The following FSTL5 variants were observed in gnomAD, a reference collection of about 807,000 sequenced individuals.
FSTL5 encodes the protein follistatin-related protein 5.
Under a neutral mutation model 89.1 loss-of-function variants are expected in FSTL5, and 62 were observed. The observed-to-expected ratio is 0.70, with a 90% confidence interval of 0.57 to 0.86. FSTL5 has a LOEUF of 0.86. Among genes scored for constraint, FSTL5 ranks in the 40% least tolerant of loss-of-function variants. FSTL5 has a pLI of 0.00. For synonymous variants in FSTL5, 383 were observed against 346.2 expected, an observed-to-expected ratio of 1.11 and a Z score of -1.18; for missense variants, 1,057 against 1,001.6, an observed-to-expected ratio of 1.06 and a Z score of -0.75.
intron 3 of FSTL5, among the ~76,000 whole-genome samples, chr4:161,985,855 G>A (rs1013158913): frequency 6.6e-6 from 1 of 152,072 alleles, no homozygotes; most frequent in African/African-American, 2.4e-5. Context: ...TGAATAGTGT[G>A]TATTTATTCA....
intron 15 of FSTL5, among the ~76,000 whole-genome samples, chr4:161,416,855 A>G (rs1731805679): frequency 6.7e-6 from 1 of 150,158 alleles, no homozygotes; most frequent in African/African-American, 2.4e-5. Context: ...AAAAAAAAAA[A>G]AAAAAAGAAA....
At chr4:162,035,117 C>G (rs1737683625) in intron 2 of FSTL5, 1 of 152,060 alleles carries the variant, frequency 6.6e-6, no homozygotes, top group African/African-American at 2.4e-5. Flanking sequence ...CCTCCCTCTC[C>G]TCTATTAACA....
chr4:161,767,560 TGGA>T (rs1011649304), intron 5 of FSTL5, among the ~76,000 whole-genome samples: 14 of 152,130 alleles, frequency 9.2e-5, no homozygotes, highest in Non-Finnish European at 1.8e-4. Context: ...TTCTTACTGT[TGGA>T]GAAGATAGCT....
chr4:161,840,149 C>T (rs142604673), intron 4 of FSTL5, among the ~76,000 whole-genome samples: 53 of 152,114 alleles, frequency 3.5e-4, no homozygotes, highest in African/African-American at 1.2e-3. Flanking sequence ...GAGTGAAGAG[C>T]GTCACCGTGT....
intron 3 of FSTL5, among the ~76,000 whole-genome samples, chr4:162,028,063 A>G (rs1010123090): frequency 1.4e-4 from 22 of 152,304 alleles, no homozygotes; most frequent in Middle Eastern, 3.4e-3. Flanking sequence ...TCTGATGTTT[A>G]TTCAGCATTA....
intron 6 of FSTL5, among the ~76,000 whole-genome samples, chr4:161,733,978 T>G (rs1739703559): frequency 6.6e-6 from 1 of 152,016 alleles, no homozygotes; most frequent in Admixed American, 6.6e-5. Context: ...TATACAGAAT[T>G]TTTTTCTTTC....
intron 8 of FSTL5, among the ~76,000 whole-genome samples, chr4:161,577,852 A>G (rs61271466): frequency 0.48 from 72,609 of 151,934 alleles, 17,611 homozygotes; most frequent in Middle Eastern, 0.6. Flanking sequence ...ATTAACCAGA[A>G]TGGAGAGACT....
chr4:162,132,261 A>G (rs1278032844), intron 1 of FSTL5, among the ~76,000 whole-genome samples: 2 of 152,186 alleles, frequency 1.3e-5, no homozygotes, highest in Admixed American at 6.5e-5. Context: ...TTGGGGCCAG[A>G]AAACAATTGT....
chr4:161,848,447 T>C (rs1731445971), intron 4 of FSTL5, among the ~76,000 whole-genome samples: 1 of 152,180 alleles, frequency 6.6e-6, no homozygotes, highest in Admixed American at 6.6e-5. Flanking sequence ...CAAAAAGAAG[T>C]AATGTTCTAT....
At chr4:161,504,307 G>T (rs577262600) in intron 11 of FSTL5, among the ~76,000 whole-genome samples, 11 of 151,810 alleles carry the variant, frequency 7.2e-5, no homozygotes, top group Non-Finnish European at 1.3e-4. Flanking sequence ...ATTTAAGTTT[G>T]TAAAGGGGTC....
At chr4:161,428,181 T>C (rs1019188377) in intron 15 of FSTL5, among the ~76,000 whole-genome samples, 5 of 152,160 alleles carry the variant, frequency 3.3e-5, no homozygotes, top group African/African-American at 7.2e-5. Context: ...GGAGGGAGCA[T>C]TGAACCCAGT....
intron 3 of FSTL5, among the ~76,000 whole-genome samples, chr4:161,931,922 C>T (rs867770255): frequency 6.6e-6 from 1 of 151,844 alleles, no homozygotes; most frequent in Non-Finnish European, 1.5e-5. Context: ...ATGGTACAGT[C>T]CAAACATCTT....
intron 1 of FSTL5, among the ~76,000 whole-genome samples, chr4:162,122,126 CGG>C (rs544844439): frequency 9.2e-4 from 140 of 152,066 alleles, no homozygotes; most frequent in Non-Finnish European, 1.6e-3. Context: ...ATACTGTGCA[CGG>C]GGTTGGCACC....
chr4:161,637,789 T>C (rs1168645286), intron 7 of FSTL5, among the ~76,000 whole-genome samples: 2 of 119,804 alleles, frequency 1.7e-5, no homozygotes, highest in Non-Finnish European at 3.3e-5. Context: ...TGTGGCATTA[T>C]TTCTGAGGGC....
intron 4 of FSTL5, among the ~76,000 whole-genome samples, chr4:161,869,537 A>G (rs1026987009): frequency 1.3e-5 from 2 of 152,166 alleles, no homozygotes; most frequent in African/African-American, 2.4e-5. Flanking sequence ...AGCGGTTTTA[A>G]AGCAAAGGTG....
chr4:161,831,894 A>G (rs556361714), intron 4 of FSTL5, among the ~76,000 whole-genome samples: 36 of 152,058 alleles, frequency 2.4e-4, no homozygotes, highest in Admixed American at 6.6e-4. Context: ...GCTGAAAACT[A>G]TATTCCACAA....
At chr4:161,846,416 T>C (rs932298293) in intron 4 of FSTL5, among the ~76,000 whole-genome samples, 3 of 152,136 alleles carry the variant, frequency 2.0e-5, no homozygotes, top group Non-Finnish European at 2.9e-5. Flanking sequence ...AAATCTTGAA[T>C]GTATTTTTTA....
intron 7 of FSTL5, among the ~76,000 whole-genome samples, chr4:161,635,103 T>C (rs1735640184): frequency 6.6e-6 from 1 of 152,122 alleles, no homozygotes; most frequent in Non-Finnish European, 1.5e-5. Flanking sequence ...AAATCATATC[T>C]ACTGGCTGGG....
rs750099111 is a variant in FSTL5, at chr4:161,386,141, C to T, written c.2150G>A (p.Arg717Lys). 11 of 1,613,850 alleles carry T rather than the reference C, an allele frequency of 6.8e-6. No homozygotes were observed. The highest frequency in any genetic ancestry group is 4.0e-5 in the African/African-American group (3 of 74,870). ...TCCTCTGATGGTAATGTACTGAACC[C>T]TTACAAGACCTTTCACATCATTAAT... Reference protein sequence around the residue: ...VSINDVKGLVRVQYITIRGEI... With the variant: ...VSINDVKGLVKVQYITIRGEI... Residue 717 changes from arginine (R) to lysine (K), a missense_variant, in exon 16 of 16, where the codon AGG (arginine) becomes AAG (lysine). By Grantham distance (26) the Arg-to-Lys change is conservative. Coordinates refer to ENST00000306100, the MANE Select transcript of FSTL5 (RefSeq NM_020116.5).
Sources: allele counts gnomAD v4.1 joint callset (sites outside exome capture counted in the v4.1 genomes callset), GRCh38; gene constraint gnomAD v4.1.1; transcripts MANE v1.5; gene names NCBI Gene and HGNC (gene_info 2026-07-23, HGNC 2026-07-21).